Variants in GALNT16 observed in about 807,000 individuals in gnomAD.
GALNT16 encodes polypeptide N-acetylgalactosaminyltransferase 16.
In GALNT16, 40 loss-of-function variants were observed where a neutral mutation model predicts 76.1. The observed-to-expected ratio is 0.53, with a 90% CI of 0.41 to 0.68. GALNT16 has a LOEUF of 0.68. Among genes scored for constraint, GALNT16 ranks in the 30% least tolerant of loss-of-function variants. The pLI, the probability that GALNT16 is intolerant of heterozygous loss-of-function variation, is 0.00. For missense variants in GALNT16, 621 were observed against 731.9 expected, an observed-to-expected ratio of 0.85 and a Z score of 1.75; for synonymous variants, 276 against 285.2, an observed-to-expected ratio of 0.97 and a Z score of 0.32.
chr14:69,322,926 GTGTGTGTGTGTGTGTGTGTGTGTGTGT>G (rs2045212837), intron 2 of GALNT16, among the ~76,000 whole-genome samples: 1 of 27,730 alleles, frequency 3.6e-5, no homozygotes, highest in Admixed American at 2.3e-4. Context: ...GGCTCACGGG[GTGTGTGTGTGTGTGTGTGTGTGTGTGT>G]GTGTGTGTGT....
chr14:69,261,932 G>A lies in GALNT16; in HGVS notation c.177+1465G>A, dbSNP rs2044280004. Among the ~76,000 whole-genome samples, 1 of 152,140 alleles carries A rather than the reference G, an allele frequency of 6.6e-6. No individual in the cohort carries two copies. The highest frequency in any genetic ancestry group is 2.1e-4 in the South Asian group (1 of 4,820). Reference sequence around the variant, plus strand: ...GGACACTGTTTCCAAAGCACTTGTCGCCCTTTGGACAGAAAACTGATAAGG... The same window carrying A: ...GGACACTGTTTCCAAAGCACTTGTCACCCTTTGGACAGAAAACTGATAAGG... On this transcript the variant is annotated intron_variant, in intron 1 of 14. Coordinates refer to ENST00000448469, the MANE Select transcript of GALNT16 (RefSeq NM_001168368.2). This position sits in a 1 kb window ranked among gnomAD's most constrained non-coding sequence, Gnocchi z 6.4.
At position 69,292,266 on chromosome 14, in the gene GALNT16, C is replaced by T. The variant is rs572266565; in HGVS notation, c.178-28445C>T. 5.9e-5 allele frequency among the ~76,000 whole-genome samples: 9 copies of T among 152,252 alleles called. No homozygotes were observed. In the East Asian group the frequency reaches 1.7e-3, roughly 29 times the overall value. ...GAGTGGCAGAGCCGGGACTCCCATCCAGGTTGCCTCATTCCTGAGTTAGTG... is the reference window on the plus strand; with the variant it reads ...GAGTGGCAGAGCCGGGACTCCCATCTAGGTTGCCTCATTCCTGAGTTAGTG... On this transcript the variant is annotated intron_variant, in intron 1 of 14. Transcript: ENST00000448469.
chr14:69,326,484 T>C (rs2045286585), intron 5 of GALNT16, among the ~76,000 whole-genome samples: 1 of 152,212 alleles, frequency 6.6e-6, no homozygotes, highest in African/African-American at 2.4e-5. Flanking sequence ...GGAGAGCTAC[T>C]ACATAGCCAA....
chr14:69,351,277 T>C (rs984090583), intron 14 of GALNT16: 1 of 152,112 alleles, frequency 6.6e-6, no homozygotes, highest in African/African-American at 2.4e-5. Context: ...AAAACCCCAA[T>C]AGGAGAAAAG....
intron 11 of GALNT16, among the ~76,000 whole-genome samples, chr14:69,340,724 G>A (rs906986602): frequency 1.3e-5 from 2 of 152,110 alleles, no homozygotes; most frequent in African/African-American, 2.4e-5. Context: ...GATCTCAAGC[G>A]ATCTGCATAT....
chr14:69,384,877 C>T, the GALNT16 span, among the ~76,000 whole-genome samples: 7 of 152,244 alleles, frequency 4.6e-5, no homozygotes, highest in Admixed American at 1.3e-4. Context: ...AACACTTAGG[C>T]CTCCCAATTC....
intron 1 of GALNT16, among the ~76,000 whole-genome samples, chr14:69,295,123 T>G (rs775399655): frequency 1.4e-4 from 22 of 152,092 alleles, no homozygotes; most frequent in Non-Finnish European, 2.5e-4. Flanking sequence ...CACCTCAACA[T>G]TTAACATTGG....
intron 12 of GALNT16, among the ~76,000 whole-genome samples, chr14:69,344,611 A>T (rs2045537651): frequency 6.6e-6 from 1 of 152,208 alleles, no homozygotes; most frequent in Non-Finnish European, 1.5e-5. Flanking sequence ...CCACGATGAC[A>T]GCTTAGGAGC....
chr14:69,313,340 C>T (rs1015463001), intron 1 of GALNT16, among the ~76,000 whole-genome samples: 5 of 152,246 alleles, frequency 3.3e-5, no homozygotes, highest in Admixed American at 1.3e-4. Flanking sequence ...TCCCTCCATC[C>T]GCAGATGGCC....
At chr14:69,370,354 C>T in the GALNT16 span, among the ~76,000 whole-genome samples, 1 of 152,170 alleles carries the variant, frequency 6.6e-6, no homozygotes, top group Non-Finnish European at 1.5e-5. Flanking sequence ...CTCTTCTGCT[C>T]AGGCTGAGGG....
At chr14:69,381,169 T>G in the GALNT16 span, among the ~76,000 whole-genome samples, 2 of 152,130 alleles carry the variant, frequency 1.3e-5, no homozygotes, top group Non-Finnish European at 2.9e-5. Context: ...TAGTCCTGCC[T>G]ACTCAGGAGG....
chr14:69,279,661 G>A (rs1157192877), intron 1 of GALNT16, among the ~76,000 whole-genome samples: 1 of 152,258 alleles, frequency 6.6e-6, no homozygotes, highest in Non-Finnish European at 1.5e-5. Flanking sequence ...CGTATGCCGA[G>A]TATAGCACAG....
intron 12 of GALNT16, among the ~76,000 whole-genome samples, chr14:69,345,030 C>T (rs1228680755): frequency 1.3e-5 from 2 of 152,116 alleles, no homozygotes; most frequent in Non-Finnish European, 2.9e-5. Context: ...GGGCAAAGTG[C>T]GATGCAGAAG....
chr14:69,353,061 C>T lies in GALNT16; in HGVS notation c.*893C>T, dbSNP rs1484423030. Among the ~76,000 whole-genome samples the T allele has an allele frequency of 6.6e-6, 1 of 152,204 alleles. No homozygotes were observed. The highest frequency in any genetic ancestry group is 2.4e-5 in the African/African-American group (1 of 41,450). ...TTAATGAACAGCTAGTGCCCTGTCC[C>T]TGCCGCCAGGACCCACTGAAAGGAC... On this transcript the variant is annotated 3_prime_UTR_variant, in exon 15 of 15. Transcript: ENST00000448469.
intron 1 of GALNT16, among the ~76,000 whole-genome samples, chr14:69,267,393 G>C (rs1371042044): frequency 6.6e-6 from 1 of 152,202 alleles, no homozygotes. Flanking sequence ...ATTTGAGGAG[G>C]CATTGAGGCA....
chr14:69,290,331 A>G (rs1201400965), intron 1 of GALNT16, among the ~76,000 whole-genome samples: 1 of 152,238 alleles, frequency 6.6e-6, no homozygotes, highest in Non-Finnish European at 1.5e-5. Flanking sequence ...GGAAACCAAC[A>G]TCTTGGATGG....
chr14:69,380,688 C>G, the GALNT16 span: 1 of 1,104,164 alleles, frequency 9.1e-7, no homozygotes. Flanking sequence ...CAATCACTGC[C>G]AGGTGTTTAA....
intron 14 of GALNT16, chr14:69,348,765 C>G (rs2045596952): frequency 6.6e-6 from 1 of 152,270 alleles, no homozygotes; most frequent in African/African-American, 2.4e-5. Context: ...ACACAGCAAC[C>G]AGTGACAGTG....
At position 69,310,777 on chromosome 14, in the gene GALNT16, C is replaced by T. The variant is rs139869503; in HGVS notation, c.178-9934C>T. On this transcript the variant is annotated intron_variant, in intron 1 of 14. Coordinates refer to ENST00000448469, the MANE Select transcript of GALNT16 (RefSeq NM_001168368.2). ...GTCTAAAAAAAATTAGGGCTGGGTG[C>T]GGTGGCTCACACCTGTAACCTCAAG... is the stretch of plus-strand genomic sequence containing the variant. Among the ~76,000 whole-genome samples the T allele has an allele frequency of 9.4e-4, 143 of 152,112 alleles. 1 individual carries two copies. The East Asian group carries it at 0.027, about 29-fold the overall frequency.
Sources: allele counts gnomAD v4.1 joint callset (sites outside exome capture counted in the v4.1 genomes callset), GRCh38; gene constraint gnomAD v4.1.1; non-coding constraint Gnocchi (gnomAD v3.1); transcripts MANE v1.5; gene names NCBI Gene and HGNC (gene_info 2026-07-23, HGNC 2026-07-21).